OSBPL3: variants seen among roughly 807,000 people sequenced by gnomAD.
The protein encoded by OSBPL3 is oxysterol-binding protein-related protein 3.
Under a neutral mutation model 120.1 loss-of-function variants are expected in OSBPL3, and 65 were observed. That is an observed-to-expected ratio of 0.54 (90% CI 0.44 to 0.67). The LOEUF is 0.67. Among genes scored for constraint, OSBPL3 ranks in the 30% least tolerant of loss-of-function variants. OSBPL3 has a pLI of 0.00. For missense variants in OSBPL3, 1,004 were observed against 1,082.1 expected (o/e 0.93, Z 1.01); for synonymous variants, 416 against 402.6 (o/e 1.03, Z -0.40).
At chr7:24,876,056 T>A (rs920755193) in intron 2 of OSBPL3, among the ~76,000 whole-genome samples, 2 of 152,162 alleles carry the variant, frequency 1.3e-5, no homozygotes, top group African/African-American at 4.8e-5. Flanking sequence ...CTACTTCCCT[T>A]CCTCTTTATT....
rs917375132 is a variant in OSBPL3, at chr7:24,900,628, G to C, written c.-149-8007C>G. 6.6e-6 allele frequency among the ~76,000 whole-genome samples: 1 copy of C among 152,070 alleles called. No homozygotes were observed. The highest frequency in any genetic ancestry group is 2.4e-5 in the African/African-American group (1 of 41,406). ...CTTCCAGTCTCCACTCCCAAGCTTT[G>C]TCATCATGGCAAAATTCCTCAATCA... On this transcript the variant is annotated intron_variant, in intron 1 of 22. Transcript: ENST00000313367. This position sits in a 1 kb window ranked among gnomAD's most constrained non-coding sequence, Gnocchi z 4.5.
chr7:24,845,749 T>C (rs1798375449), intron 12 of OSBPL3, among the ~76,000 whole-genome samples: 1 of 152,208 alleles, frequency 6.6e-6, no homozygotes, highest in African/African-American at 2.4e-5. Context: ...CTCTAGCAGT[T>C]TGATAAATAT....
rs70942886 is a variant in OSBPL3, at chr7:24,841,717, A to AAAAAAAAAAAAAAAAAAAAAAAAAG, written c.1401+561_1401+562insCTTTTTTTTTTTTTTTTTTTTTTTT. Among the ~76,000 whole-genome samples the AAAAAAAAAAAAAAAAAAAAAAAAAG allele has an allele frequency of 4.8e-4, 40 of 82,798 alleles. 11 individuals carry two copies. Among genetic ancestry groups the AAAAAAAAAAAAAAAAAAAAAAAAAG allele is most frequent in the East Asian group, 8.9e-4 (2 of 2,256 alleles). The allele number at this position is 82,798 out of a possible 152,430, so 54.3% of individuals were successfully genotyped here. A position where few individuals can be genotyped will look rare whatever the true frequency, so the allele number is the denominator to read the frequency against. On this transcript the variant is annotated intron_variant, in intron 13 of 22. Coordinates refer to ENST00000313367, the MANE Select transcript of OSBPL3 (RefSeq NM_015550.4). ...CTCAAAAAAAAAAAAAAAAAAAAAA[A>AAAAAAAAAAAAAAAAAAAAAAAAAG]AAAAGAGGCCAGGCACAGTGGCTCA...
intron 16 of OSBPL3, among the ~76,000 whole-genome samples, chr7:24,829,668 G>A (rs1796138065): frequency 6.6e-6 from 1 of 152,200 alleles, no homozygotes; most frequent in South Asian, 2.1e-4. Flanking sequence ...GATATACAGA[G>A]AGTGGACGTG....
In OSBPL3 at chr7:24,938,767, G is replaced by A. The variant is rs1812712135; in HGVS notation, c.-150+41119C>T. Among the ~76,000 whole-genome samples the A allele has an allele frequency of 7.5e-6, 1 of 133,752 alleles. No homozygotes were observed. The highest frequency in any genetic ancestry group is 2.8e-4 in the South Asian group (1 of 3,634). 87.7% of individuals were successfully genotyped at this position (133,752 alleles called of 152,430 possible). ...AGCTGCAAGGAAAACTGAATAATGAGGTTTTGTTTTGATGTGTGTGTGTGT... is the reference window on the plus strand; with the variant it reads ...AGCTGCAAGGAAAACTGAATAATGAAGTTTTGTTTTGATGTGTGTGTGTGT... On this transcript the variant is annotated intron_variant, in intron 1 of 22. Transcript: ENST00000313367. This position sits in a 1 kb window ranked among gnomAD's most constrained non-coding sequence, Gnocchi z 5.8.
Position 24,800,267 on chromosome 7 carries a change from A to G in OSBPL3, c.2580T>C (p.Asp860=), listed in dbSNP as rs776483769. The change falls in exon 23 of 23, where the codon GAT becomes GAC. Residue 860 remains aspartate (D), a synonymous_variant. Coordinates refer to ENST00000313367, the MANE Select transcript of OSBPL3 (RefSeq NM_015550.4). ...HQPRFFRKSD[D]DSWVSNGTYL... ...AGGTGCCGTTGCTCACCCAAGAGTC[A>G]TCGTCGGATTTCCTGTGAAAGAAGA... 3 of 1,608,788 alleles carry G rather than the reference A, an allele frequency of 1.9e-6. No homozygotes were observed. Among genetic ancestry groups the G allele is most frequent in the Middle Eastern group, 1.6e-4 (1 of 6,082 alleles).
chr7:24,951,454 T>C (rs990826503), intron 1 of OSBPL3, among the ~76,000 whole-genome samples: 32 of 152,282 alleles, frequency 2.1e-4, no homozygotes, highest in African/African-American at 7.2e-4. Context: ...TTATTAAATA[T>C]ATACATCAAA....
intron 20 of OSBPL3, among the ~76,000 whole-genome samples, chr7:24,807,717 C>A (rs1045465483): frequency 6.7e-6 from 1 of 149,762 alleles, no homozygotes. Context: ...CCAATTCTTG[C>A]CTCTCCTCAA....
At chr7:24,796,539 C>G (rs1791740261), downstream of OSBPL3, 5 of 152,064 alleles carry the variant, frequency 3.3e-5, no homozygotes, top group Admixed American at 3.3e-4. This position sits in a 1 kb window ranked among gnomAD's most constrained non-coding sequence, Gnocchi z 5.2. Context: ...CAAAAGTGGC[C>G]TTTTTTTCCA....
At chr7:24,847,540 T>C (rs887410931) in intron 12 of OSBPL3, among the ~76,000 whole-genome samples, 8 of 152,214 alleles carry the variant, frequency 5.3e-5, no homozygotes, top group Admixed American at 1.3e-4. Context: ...ATTTTAAATA[T>C]ATAGTTTAAA....
Position 24,806,694 on chromosome 7 carries a change from C to A in OSBPL3, c.2444+82G>T. On this transcript the variant is annotated intron_variant, in intron 21 of 22. Coordinates refer to ENST00000313367, the MANE Select transcript of OSBPL3 (RefSeq NM_015550.4). This position sits in a 1 kb window ranked among gnomAD's most constrained non-coding sequence, Gnocchi z 5.2. The stretch of plus-strand genomic sequence containing the variant: ...CATTTTCCACCTTTCTCAGGTGCCT[C>A]TGGTGGCCTAAGGATTGTTAATAAG... 7.6e-7 allele frequency: 1 copy of A among 1,314,502 alleles called. No individual in the cohort carries two copies. The highest frequency in any genetic ancestry group is 1.1e-6 in the Non-Finnish European group (1 of 948,468). The allele number at this position is 1,314,502 out of a possible 1,614,324, so 81.4% of individuals were successfully genotyped here. A position where few individuals can be genotyped will look rare whatever the true frequency, so the allele number is the denominator to read the frequency against.
intron 10 of OSBPL3, among the ~76,000 whole-genome samples, chr7:24,858,400 G>A (rs1042746934): frequency 6.6e-6 from 1 of 152,240 alleles, no homozygotes; most frequent in African/African-American, 2.4e-5. Context: ...TTGAATGTAT[G>A]GAAGTGAGAA....
At chr7:24,876,935 A>G (rs1359276527) in intron 2 of OSBPL3, among the ~76,000 whole-genome samples, 3 of 152,200 alleles carry the variant, frequency 2.0e-5, no homozygotes, top group Non-Finnish European at 2.9e-5. Context: ...TATATGTCAG[A>G]TAATGTGCTA....
rs182900730 is a variant in OSBPL3, at chr7:24,892,234, C to T, written c.96+143G>A. 694 of 646,184 alleles carry T rather than the reference C, an allele frequency of 1.1e-3. 1 individual carries two copies. The highest frequency in any genetic ancestry group is 1.6e-3 in the Non-Finnish European group (617 of 391,076). 40.0% of individuals were successfully genotyped at this position (646,184 alleles called of 1,614,324 possible). A position where few individuals can be genotyped will look rare whatever the true frequency, so the allele number is the denominator to read the frequency against. On this transcript the variant is annotated intron_variant, in intron 2 of 22. Transcript: ENST00000313367. ...CATTATTAAAATTATACAGAATTTA[C>T]TCTCCTCATACAGTCAAGAGATAAC...
rs568264230 is a variant in OSBPL3 at position 24,952,136 on chromosome 7, G to T, written c.-150+27750C>A. On this transcript the variant is annotated intron_variant, in intron 1 of 22. Coordinates refer to ENST00000313367, the MANE Select transcript of OSBPL3 (RefSeq NM_015550.4). The surrounding 1 kb of genome is among the most constrained non-coding windows in gnomAD (Gnocchi z 4.4). ...AAAAGGAGCTCAGACTTTGAGTAAAGTCTTAGTCTTGGAATGCAATAGGCA... is the reference window on the plus strand; with the variant it reads ...AAAAGGAGCTCAGACTTTGAGTAAATTCTTAGTCTTGGAATGCAATAGGCA... Among the ~76,000 whole-genome samples the T allele has an allele frequency of 6.6e-6, 1 of 152,290 alleles. No individual in the cohort carries two copies. The highest frequency in any genetic ancestry group is 1.9e-4 in the East Asian group (1 of 5,182).
intron 2 of OSBPL3, among the ~76,000 whole-genome samples, chr7:24,878,107 G>A (rs1462086691): frequency 6.6e-6 from 1 of 152,234 alleles, no homozygotes; most frequent in Non-Finnish European, 1.5e-5. Flanking sequence ...TGCAAAGGCA[G>A]CTAAGCATTT....
chr7:24,869,985 C>CT (rs1801879380), intron 5 of OSBPL3, among the ~76,000 whole-genome samples: 1 of 152,210 alleles, frequency 6.6e-6, no homozygotes, highest in South Asian at 2.1e-4. Context: ...CAAGCACATA[C>CT]AATAACTAAA....
chr7:24,926,724 A>C (rs1429703025), intron 1 of OSBPL3, among the ~76,000 whole-genome samples: 1 of 152,216 alleles, frequency 6.6e-6, no homozygotes, highest in Non-Finnish European at 1.5e-5. Context: ...CTGCCCTTGC[A>C]TATACCTTGT....
chr7:24,800,460 T>C (rs1175976285), intron 22 of OSBPL3, among the ~76,000 whole-genome samples, 181 bp from the exon 23 acceptor site: 1 of 146,258 alleles, frequency 6.8e-6, no homozygotes, highest in East Asian at 2.0e-4. Context: ...TTACTTTTTT[T>C]TTTTTTTTTT....
Sources: gnomAD v4.1 joint callset for allele counts (sites outside exome capture counted in the v4.1 genomes callset) on GRCh38, gnomAD v4.1.1 for gene constraint, Gnocchi (gnomAD v3.1) non-coding constraint, MANE v1.5 for transcripts, NCBI Gene and HGNC (gene_info 2026-07-23, HGNC 2026-07-21) for gene names.